TENM4: variants seen among roughly 807,000 people sequenced by gnomAD.
TENM4 encodes the protein teneurin transmembrane protein 4.
TENM4 carries 82 observed loss-of-function variants against 243.3 expected under a neutral mutation model. The observed-to-expected ratio is 0.34, with a 90% CI of 0.28 to 0.40. TENM4 has a LOEUF of 0.40. Ranked by LOEUF, TENM4 falls within the 10% of genes least tolerant of loss-of-function variation. The pLI, the probability that TENM4 is intolerant of heterozygous loss-of-function variation, is 1.00. For missense variants in TENM4, 3,138 were observed against 3,673.3 expected (o/e 0.85, Z 3.77); for synonymous variants, 1,412 against 1,456.3 (o/e 0.97, Z 0.69).
chr11:79,223,295 C>T lies in TENM4; in HGVS notation c.-264-7386G>A, dbSNP rs148590908. Among the ~76,000 whole-genome samples the T allele has an allele frequency of 4.4e-3, 663 of 152,296 alleles. 8 individuals carry two copies. The highest frequency in any genetic ancestry group is 0.015 in the African/African-American group (633 of 41,552). On this transcript the variant is annotated intron_variant, in intron 2 of 33. Coordinates refer to ENST00000278550, the MANE Select transcript of TENM4 (RefSeq NM_001098816.3). ...ATAGCCACAAGTGCTAAAAAGCAGC[C>T]TGATGAAGTTTATGCTATCTGTGGA...
chr11:78,951,617 T>C (rs1857110191), intron 6 of TENM4, among the ~76,000 whole-genome samples: 1 of 152,226 alleles, frequency 6.6e-6, no homozygotes, highest in Non-Finnish European at 1.5e-5. Context: ...GCTCTCTTCG[T>C]GGCTTGTAGA....
At chr11:79,308,967 A>G (rs1226455075) in intron 1 of TENM4, among the ~76,000 whole-genome samples, 2 of 152,094 alleles carry the variant, frequency 1.3e-5, no homozygotes, top group Non-Finnish European at 2.9e-5. Context: ...ATTATTATGC[A>G]CTATCTGATG....
intron 6 of TENM4, among the ~76,000 whole-genome samples, chr11:79,037,702 C>T (rs1391448872): frequency 6.6e-6 from 1 of 152,056 alleles, no homozygotes; most frequent in Admixed American, 6.5e-5. Context: ...ACCTTTTCTC[C>T]CAAATAACTG....
intron 6 of TENM4, among the ~76,000 whole-genome samples, chr11:79,050,368 G>C (rs541187900): frequency 6.6e-6 from 1 of 152,206 alleles, no homozygotes; most frequent in Non-Finnish European, 1.5e-5. Context: ...AATCCTTTGG[G>C]CTTAAGCGGT....
chr11:79,436,066 A>G (rs144501284), intron 1 of TENM4, among the ~76,000 whole-genome samples: 13 of 152,286 alleles, frequency 8.5e-5, no homozygotes, highest in African/African-American at 2.2e-4. Context: ...TCTCTGCCCA[A>G]TCTCCACCCA....
chr11:79,209,463 A>T (rs1470736881), intron 3 of TENM4, among the ~76,000 whole-genome samples: 1 of 152,174 alleles, frequency 6.6e-6, no homozygotes, highest in African/African-American at 2.4e-5. Flanking sequence ...GCACCTTTTA[A>T]ATTTCATCTT....
intron 19 of TENM4, among the ~76,000 whole-genome samples, chr11:78,741,185 A>G (rs2135911146): frequency 6.6e-6 from 1 of 152,340 alleles, no homozygotes; most frequent in East Asian, 1.9e-4. Context: ...CTTGTGCCAC[A>G]TGCATTTGTC....
chr11:78,677,582 C>G (rs1389732742), intron 29 of TENM4, among the ~76,000 whole-genome samples: 2 of 151,788 alleles, frequency 1.3e-5, no homozygotes, highest in Non-Finnish European at 2.9e-5. Context: ...GCTCTTGATA[C>G]ACTCTAAGGT....
At chr11:79,314,531 G>T (rs1208326175) in intron 1 of TENM4, among the ~76,000 whole-genome samples, 4 of 152,192 alleles carry the variant, frequency 2.6e-5, no homozygotes, top group Admixed American at 2.6e-4. Context: ...GGGAAAACAA[G>T]ATCTACCTCA....
chr11:79,197,675 C>T (rs1863658164), intron 3 of TENM4, among the ~76,000 whole-genome samples: 1 of 152,178 alleles, frequency 6.6e-6, no homozygotes, highest in Non-Finnish European at 1.5e-5. Context: ...TAGCTTTCCC[C>T]AAGTTATTTC....
chr11:79,246,800 A>G (rs960888033), intron 2 of TENM4, among the ~76,000 whole-genome samples: 2 of 152,122 alleles, frequency 1.3e-5, no homozygotes, highest in Non-Finnish European at 2.9e-5. Context: ...GTGTGTTACT[A>G]CGAGGTGGAG....
intron 32 of TENM4, among the ~76,000 whole-genome samples, chr11:78,667,052 G>A (rs372677678): frequency 2.0e-5 from 3 of 152,096 alleles, no homozygotes; most frequent in Non-Finnish European, 2.9e-5. Flanking sequence ...GTGAGGCAGG[G>A]GGTGTGCTTA....
At chr11:79,187,251 G>A (rs1454719426) in intron 3 of TENM4, among the ~76,000 whole-genome samples, 2 of 152,178 alleles carry the variant, frequency 1.3e-5, no homozygotes, top group South Asian at 2.1e-4. Flanking sequence ...TTCCACTGGG[G>A]ATAAAGGGAA....
chr11:78,698,995 T>C (rs951138803), intron 28 of TENM4, among the ~76,000 whole-genome samples: 1 of 152,238 alleles, frequency 6.6e-6, no homozygotes, highest in African/African-American at 2.4e-5. Flanking sequence ...ACCTGACCTC[T>C]GATTCCTACC....
At chr11:79,135,427 T>C (rs1485563235) in intron 4 of TENM4, among the ~76,000 whole-genome samples, 1 of 152,054 alleles carries the variant, frequency 6.6e-6, no homozygotes, top group Non-Finnish European at 1.5e-5. Flanking sequence ...ACAGCCACTA[T>C]GGAAAACAGT....
At chr11:79,320,531 T>C (rs1169237349) in intron 1 of TENM4, among the ~76,000 whole-genome samples, 1 of 152,224 alleles carries the variant, frequency 6.6e-6, no homozygotes, top group African/African-American at 2.4e-5. Flanking sequence ...ATTCCACTTC[T>C]TGGATGTGGT....
chr11:79,008,066 A>C (rs1434567879), intron 6 of TENM4, among the ~76,000 whole-genome samples: 2 of 152,226 alleles, frequency 1.3e-5, no homozygotes, highest in East Asian at 3.9e-4. Context: ...GGGTGCTAAA[A>C]ATTTTTATGG....
chr11:78,895,976 A>G (rs1420412218), intron 7 of TENM4, among the ~76,000 whole-genome samples: 1 of 152,150 alleles, frequency 6.6e-6, no homozygotes, highest in East Asian at 1.9e-4. Context: ...GAGGCCTTGG[A>G]CTAGCCCCTG....
In TENM4 at chr11:78,923,524, G is replaced by T. The variant is rs558575179; in HGVS notation, c.494-20001C>A. 1.5e-3 allele frequency among the ~76,000 whole-genome samples: 228 copies of T among 151,952 alleles called. 1 individual carries two copies. The highest frequency in any genetic ancestry group is 5.4e-3 in the African/African-American group (222 of 41,460). On this transcript the variant is annotated intron_variant, in intron 6 of 33. Transcript: ENST00000278550. ...TTTCCAGAAGTTTCTGGAAAAAATT[G>T]TTATTTGTTTTTATTTTTATTTTTA...
Sources: gnomAD v4.1 joint callset for allele counts (sites outside exome capture counted in the v4.1 genomes callset) on GRCh38, gnomAD v4.1.1 for gene constraint, MANE v1.5 for transcripts, NCBI Gene and HGNC (gene_info 2026-07-23, HGNC 2026-07-21) for gene names.